Variants in GULP1 observed in about 807,000 individuals in gnomAD.
GULP1 encodes PTB domain-containing engulfment adapter protein 1.
Under a neutral mutation model 40.9 loss-of-function variants are expected in GULP1, and 19 were observed. That is an observed-to-expected ratio of 0.46 (90% CI 0.32 to 0.68). GULP1 has a LOEUF of 0.68. GULP1 is among the 30% of genes least tolerant of loss of function. The pLI, the probability that GULP1 is intolerant of heterozygous loss-of-function variation, is 0.03. For missense variants in GULP1, 312 were observed against 362.2 expected (o/e 0.86, Z 1.12); for synonymous variants, 119 against 117.6 (o/e 1.01, Z -0.08).
At chr2:188,400,657 A>G (rs186140664) in intron 2 of GULP1, among the ~76,000 whole-genome samples, 14 of 152,324 alleles carry the variant, frequency 9.2e-5, no homozygotes, top group African/African-American at 3.4e-4. Flanking sequence ...ACAAGGAGTA[A>G]CTAAGCAATG....
At chr2:188,511,628 T>C (rs1446331257) in intron 4 of GULP1, among the ~76,000 whole-genome samples, 3 of 152,082 alleles carry the variant, frequency 2.0e-5, no homozygotes, top group Non-Finnish European at 2.9e-5. Context: ...TCCTGAGCAA[T>C]GAACACAGTT....
intron 4 of GULP1, among the ~76,000 whole-genome samples, chr2:188,510,222 T>A (rs1342286351): frequency 6.6e-6 from 1 of 152,104 alleles, no homozygotes; most frequent in Non-Finnish European, 1.5e-5. Context: ...TTTGTGTAAG[T>A]TTAAACATGA....
Position 188,469,155 on chromosome 2 carries a change from C to A in GULP1, c.-44-8504C>A, listed in dbSNP as rs115903570. 4.5e-3 allele frequency among the ~76,000 whole-genome samples: 689 copies of A among 152,258 alleles called. 8 individuals are homozygous for A. The highest frequency in any genetic ancestry group is 0.016 in the African/African-American group (663 of 41,548). On this transcript the variant is annotated intron_variant, in intron 2 of 11. Coordinates refer to ENST00000409830, the MANE Select transcript of GULP1 (RefSeq NM_016315.4). Reference sequence around the variant, plus strand: ...CTAAAGTTTGATTAAGTCGATGTAGCAAATATTTTGTCCAGTTTGGTCAGT... The same window carrying A: ...CTAAAGTTTGATTAAGTCGATGTAGAAAATATTTTGTCCAGTTTGGTCAGT...
chr2:188,561,546 G>T (rs1047286925), intron 7 of GULP1, among the ~76,000 whole-genome samples: 1 of 152,158 alleles, frequency 6.6e-6, no homozygotes, highest in Non-Finnish European at 1.5e-5. Flanking sequence ...GTGGTGGATT[G>T]GGTTGGGTAA....
Position 188,594,127 on chromosome 2 carries a change from A to G in GULP1, c.*116A>G. The G allele has an allele frequency of 1.8e-6, 1 of 559,660 alleles. No individual in the cohort carries two copies. The highest frequency in any genetic ancestry group is 3.5e-5 in the South Asian group (1 of 28,498). 34.7% of individuals were successfully genotyped at this position (559,660 alleles called of 1,614,324 possible). On this transcript the variant is annotated 3_prime_UTR_variant, in exon 12 of 12. Coordinates refer to ENST00000409830, the MANE Select transcript of GULP1 (RefSeq NM_016315.4). Reference sequence around the variant, plus strand: ...TGTCAATGTTTTTGAATATTTTAATATTTTGAAAATTTTCTCAGTTAAATT... The same window carrying G: ...TGTCAATGTTTTTGAATATTTTAATGTTTTGAAAATTTTCTCAGTTAAATT...
At chr2:188,431,157 G>T (rs908181044) in intron 2 of GULP1, among the ~76,000 whole-genome samples, 1 of 152,034 alleles carries the variant, frequency 6.6e-6, no homozygotes, top group African/African-American at 2.4e-5. Context: ...ACCTTCAGAG[G>T]GCCTCTGGCT....
intron 9 of GULP1, among the ~76,000 whole-genome samples, chr2:188,576,852 C>T (rs968402158): frequency 6.6e-6 from 1 of 152,026 alleles, no homozygotes; most frequent in African/African-American, 2.4e-5. Context: ...TTGGGTTTTC[C>T]ACCATTTGGT....
At chr2:188,327,523 A>G (rs912632817) in intron 1 of GULP1, among the ~76,000 whole-genome samples, 43 of 152,240 alleles carry the variant, frequency 2.8e-4, no homozygotes, top group African/African-American at 1.0e-3. Context: ...TTTACTATGA[A>G]GTTAATGGAC....
At chr2:188,447,502 T>C (rs1239644113) in intron 2 of GULP1, among the ~76,000 whole-genome samples, 1 of 151,946 alleles carries the variant, frequency 6.6e-6, no homozygotes, top group Admixed American at 6.6e-5. Flanking sequence ...GAGATGGGAG[T>C]CAGCCTGGTA....
At chr2:188,488,676 T>G (rs988551589) in intron 4 of GULP1, among the ~76,000 whole-genome samples, 4 of 152,026 alleles carry the variant, frequency 2.6e-5, no homozygotes, top group Admixed American at 2.6e-4. Flanking sequence ...GAAGGAATGC[T>G]TTTTCCTGAA....
At chr2:188,463,452 C>G (rs564582645) in intron 2 of GULP1, among the ~76,000 whole-genome samples, 42 of 152,068 alleles carry the variant, frequency 2.8e-4, no homozygotes, top group Non-Finnish European at 5.4e-4. Context: ...TTTCTTTATC[C>G]TTGACCTTTG....
chr2:188,543,004 G>A (rs1345590801), intron 7 of GULP1, among the ~76,000 whole-genome samples: 1 of 151,970 alleles, frequency 6.6e-6, no homozygotes, highest in Non-Finnish European at 1.5e-5. Flanking sequence ...TGTGCCATTT[G>A]TTTTATATTC....
intron 1 of GULP1, among the ~76,000 whole-genome samples, chr2:188,314,445 A>C (rs2038738606): frequency 6.6e-6 from 1 of 152,084 alleles, no homozygotes; most frequent in Non-Finnish European, 1.5e-5. Context: ...TTCATGATTT[A>C]GTTTCTTGCA....
intron 1 of GULP1, among the ~76,000 whole-genome samples, chr2:188,320,905 T>C (rs2039876868): frequency 6.7e-6 from 1 of 149,910 alleles, no homozygotes; most frequent in Non-Finnish European, 1.5e-5. Context: ...TTTTGTACTC[T>C]CCTCCTCCAG....
intron 2 of GULP1, among the ~76,000 whole-genome samples, chr2:188,416,733 T>G (rs1443576433): frequency 1.3e-5 from 2 of 152,200 alleles, no homozygotes; most frequent in African/African-American, 2.4e-5. Context: ...AGATTTGATC[T>G]TTATGAAGAT....
chr2:188,460,187 G>T (rs180786242), intron 2 of GULP1, among the ~76,000 whole-genome samples: 3 of 152,084 alleles, frequency 2.0e-5, no homozygotes, highest in Admixed American at 1.3e-4. Flanking sequence ...GAAGAATGTC[G>T]TTGGTATTTT....
chr2:188,524,824 T>G (rs1391057641), intron 5 of GULP1, among the ~76,000 whole-genome samples: 1 of 151,780 alleles, frequency 6.6e-6, no homozygotes, highest in African/African-American at 2.4e-5. Context: ...AACATATGAA[T>G]TCTGACTACT....
chr2:188,510,528 G>A (rs1472858549), intron 4 of GULP1, among the ~76,000 whole-genome samples: 1 of 151,866 alleles, frequency 6.6e-6, no homozygotes, highest in African/African-American at 2.4e-5. Flanking sequence ...GCAATATATT[G>A]TTATAAGTAG....
intron 2 of GULP1, among the ~76,000 whole-genome samples, chr2:188,398,270 A>G (rs1380897901): frequency 6.6e-6 from 1 of 152,204 alleles, no homozygotes; most frequent in African/African-American, 2.4e-5. Flanking sequence ...TTCCCGAACT[A>G]TGAGAGAATA....
Sources: gnomAD v4.1 joint callset for allele counts (sites outside exome capture counted in the v4.1 genomes callset) on GRCh38, gnomAD v4.1.1 for gene constraint, MANE v1.5 for transcripts, NCBI Gene and HGNC (gene_info 2026-07-23, HGNC 2026-07-21) for gene names.